KIF1B: variants seen among roughly 807,000 people sequenced by gnomAD.
KIF1B encodes the protein kinesin-like protein KIF1B.
A neutral mutation model predicts 241.9 loss-of-function variants in KIF1B; 76 were observed. The ratio of observed to expected loss-of-function variants is 0.31; its 90% CI spans 0.26 to 0.38. The LOEUF is 0.38. KIF1B is among the 10% of genes least tolerant of loss of function. The probability of loss-of-function intolerance (pLI) is 1.00; values close to 1 mark genes in which losing one functional copy is unlikely to be tolerated. For synonymous variants in KIF1B, 750 were observed against 796.7 expected (o/e 0.94, Z 0.99); for missense variants, 1,622 against 2,271.4 (o/e 0.71, Z 5.81).
rs1300744289 is a variant in KIF1B at position 10,378,357 on chromosome 1, C to T, written c.*1770C>T. On this transcript the variant is annotated 3_prime_UTR_variant, in exon 49 of 49. Transcript: ENST00000676179. ...CTGACAGACCAGGTCATCTGGCTTC[C>T]GAGATCATCAGAGAAGATAAGTCTG... 38 of 717,806 alleles carry T rather than the reference C, an allele frequency of 5.3e-5. No homozygotes were observed. In the Middle Eastern group the frequency reaches 9.1e-4, roughly 17 times the overall value. 44.5% of individuals were successfully genotyped at this position (717,806 alleles called of 1,614,324 possible). A position where few individuals can be genotyped will look rare whatever the true frequency, so the allele number is the denominator to read the frequency against.
intron 38 of KIF1B, among the ~76,000 whole-genome samples, chr1:10,358,102 C>CAAAA (rs541043240): frequency 3.5e-5 from 3 of 85,150 alleles, no homozygotes; most frequent in Non-Finnish European, 5.4e-5. Context: ...AAGTCCAAAG[C>CAAAA]AAAAAAAAAA....
intron 34 of KIF1B, 41 bp downstream of exon 34, chr1:10,343,328 G>A (rs1298793523): frequency 2.5e-6 from 4 of 1,577,158 alleles, no homozygotes; most frequent in Non-Finnish European, 3.5e-6. Context: ...ATCTCTTTGT[G>A]AATACATGTC....
chr1:10,243,155 G>A (rs1557659787), intron 2 of KIF1B, among the ~76,000 whole-genome samples: 1 of 152,096 alleles, frequency 6.6e-6, no homozygotes, highest in South Asian at 2.1e-4. Flanking sequence ...GGTGGCTCAC[G>A]CCTGTAATCC....
chr1:10,325,134 C>G (rs1221831922), intron 26 of KIF1B, among the ~76,000 whole-genome samples: 1 of 152,140 alleles, frequency 6.6e-6, no homozygotes, highest in Admixed American at 6.5e-5. Flanking sequence ...TCTTCCCTGA[C>G]TTTAAACTTA....
chr1:10,318,324 A>G (rs1170924028), intron 22 of KIF1B, among the ~76,000 whole-genome samples: 1 of 151,468 alleles, frequency 6.6e-6, no homozygotes, highest in Non-Finnish European at 1.5e-5. Flanking sequence ...TGATGCATGG[A>G]ATGTTTGATG....
At chr1:10,286,176 A>G (rs1054712467) in intron 15 of KIF1B, among the ~76,000 whole-genome samples, 2 of 152,108 alleles carry the variant, frequency 1.3e-5, no homozygotes, top group Non-Finnish European at 2.9e-5. Context: ...AGAAGCTGGG[A>G]TTACAGGCAT....
chr1:10,215,673 G>A (rs777309700), intron 1 of KIF1B, among the ~76,000 whole-genome samples: 2 of 152,022 alleles, frequency 1.3e-5, no homozygotes, highest in Non-Finnish European at 2.9e-5. Context: ...AGTCTCCTGA[G>A]TAGCTGGGAT....
chr1:10,375,782 TCTTG>T (rs770334654), intron 48 of KIF1B, among the ~76,000 whole-genome samples: 1 of 140,404 alleles, frequency 7.1e-6, no homozygotes, highest in Non-Finnish European at 1.5e-5. Flanking sequence ...TTTTTTCTTT[TCTTG>T]TTTTTTTTTT....
intron 5 of KIF1B, 56 bp downstream of exon 5, chr1:10,262,026 T>C: frequency 1.7e-6 from 2 of 1,171,560 alleles, no homozygotes; most frequent in South Asian, 2.5e-5. Context: ...CTCTCAAGCA[T>C]CACTTAAATG....
chr1:10,311,217 T>C (rs954490119), intron 22 of KIF1B, among the ~76,000 whole-genome samples: 18 of 129,334 alleles, frequency 1.4e-4, no homozygotes, highest in South Asian at 1.1e-3. Flanking sequence ...CTCCCATTCT[T>C]TTTTTTTTTT....
At chr1:10,258,417 A>G in intron 3 of KIF1B, 76 bp from the exon 4 acceptor site, 1 of 1,465,282 alleles carries the variant, frequency 6.8e-7, no homozygotes. Context: ...AGACACTTTT[A>G]TTATGGAAGC....
At chr1:10,220,204 C>CAAAA (rs36083785) in intron 1 of KIF1B, among the ~76,000 whole-genome samples, 2,260 of 105,724 alleles carry the variant, frequency 0.021, 27 homozygotes, top group Non-Finnish European at 0.033. Context: ...AACTCCGTCT[C>CAAAA]AAAAAAAAAA....
intron 32 of KIF1B, among the ~76,000 whole-genome samples, chr1:10,341,135 G>A (rs543374604): frequency 6.6e-6 from 1 of 152,350 alleles, no homozygotes; most frequent in African/African-American, 2.4e-5. Flanking sequence ...AATTACGATA[G>A]GGGAAATAAA....
intron 2 of KIF1B, among the ~76,000 whole-genome samples, chr1:10,238,673 C>A (rs1051488042): frequency 6.6e-6 from 1 of 151,734 alleles, no homozygotes; most frequent in African/African-American, 2.4e-5. Context: ...TCGCTGCACT[C>A]CAGCCTGGGT....
intron 40 of KIF1B, among the ~76,000 whole-genome samples, chr1:10,362,487 A>G (rs1428045100): frequency 4.0e-5 from 6 of 151,636 alleles, no homozygotes; most frequent in Admixed American, 1.3e-4. Context: ...AAATTTAAAA[A>G]AAAGAAAAGA....
chr1:10,230,636 G>A (rs142375867), intron 1 of KIF1B: 2,843 of 152,034 alleles, frequency 0.019, 41 homozygotes, highest in Non-Finnish European at 0.028. Context: ...GGGTTTCACC[G>A]TGTTGGCTAG....
chr1:10,283,206 CAAAAAAA>C (rs33994771), intron 15 of KIF1B, among the ~76,000 whole-genome samples: 4 of 61,572 alleles, frequency 6.5e-5, no homozygotes, highest in Admixed American at 2.0e-4. Context: ...GACTCCGTCT[CAAAAAAA>C]AAAAAAAAAA....
Position 10,348,681 on chromosome 1 carries a change from C to T in KIF1B, c.3897C>T (p.Ile1299=), listed in dbSNP as rs144687552. ...AGCGAAGGATCACAGTGACCATTAT[C>T]CATGAGAAGGGGAGCGAGCTCCATT... ...GIQRRITVTI[I]HEKGSELHWK... is the part of the protein sequence containing the mutation. The change falls in exon 37 of 49, where the codon ATC becomes ATT. Residue 1299 remains isoleucine (I), a synonymous_variant. Transcript: ENST00000676179. 1 of 1,614,130 alleles carries T rather than the reference C, an allele frequency of 6.2e-7. No individual in the cohort carries two copies. Among genetic ancestry groups the T allele is most frequent in the Non-Finnish European group, 8.5e-7 (1 of 1,179,996 alleles).
intron 1 of KIF1B, among the ~76,000 whole-genome samples, chr1:10,222,969 G>A (rs1444098320): frequency 1.3e-5 from 2 of 152,084 alleles, no homozygotes; most frequent in African/African-American, 4.8e-5. Flanking sequence ...AAATAACTCT[G>A]TAGGCTGGGT....
Sources: gnomAD v4.1 joint callset for allele counts (sites outside exome capture counted in the v4.1 genomes callset) on GRCh38, gnomAD v4.1.1 for gene constraint, MANE v1.5 for transcripts, NCBI Gene and HGNC (gene_info 2026-07-23, HGNC 2026-07-21) for gene names.